The following HAPLN1 variants were observed in gnomAD, a reference collection of about 807,000 sequenced individuals.
HAPLN1 encodes Cartilage link protein.
Under a neutral mutation model 36.5 loss-of-function variants are expected in HAPLN1, and 13 were observed. The ratio of observed to expected loss-of-function variants is 0.36; its 90% CI spans 0.23 to 0.57. HAPLN1 has a LOEUF of 0.57. Among genes scored for constraint, HAPLN1 ranks in the 20% least tolerant of loss-of-function variants. The pLI is 0.83. For synonymous variants in HAPLN1, 202 were observed against 169.8 expected, an observed-to-expected ratio of 1.19 and a Z score of -1.48; for missense variants, 407 against 439.7, an observed-to-expected ratio of 0.93 and a Z score of 0.66.
intron 1 of HAPLN1, among the ~76,000 whole-genome samples, chr5:83,705,367 G>A (rs531909145): frequency 7.9e-5 from 11 of 139,370 alleles, no homozygotes; most frequent in Middle Eastern, 3.7e-3. Flanking sequence ...TCCAGCCTGG[G>A]TGACAAGAGT....
At position 83,651,108 on chromosome 5, in the gene HAPLN1, C is replaced by A. The variant is rs147224470; in HGVS notation, c.472+1345G>T. Among the ~76,000 whole-genome samples, 16 of 152,052 alleles carry A rather than the reference C, an allele frequency of 1.1e-4. No individual in the cohort carries two copies. The East Asian group carries it at 3.1e-3, about 29-fold the overall frequency. ...AAATAAACATAGACAGTAAATATTG[C>A]ATGTGAATTACTTAAGTTTAGGAAA... On this transcript the variant is annotated intron_variant, in intron 3 of 4. Transcript: ENST00000274341.
chr5:83,664,756 AATAATGAGTT>A (rs1185075831), intron 2 of HAPLN1, among the ~76,000 whole-genome samples: 1 of 152,222 alleles, frequency 6.6e-6, no homozygotes, highest in African/African-American at 2.4e-5. Context: ...ACATAAGCCA[AATAATGAGTT>A]ATAAGAAAAA....
At chr5:83,655,506 A>G (rs1057494316) in intron 2 of HAPLN1, among the ~76,000 whole-genome samples, 22 of 141,904 alleles carry the variant, frequency 1.6e-4, no homozygotes, top group African/African-American at 5.8e-4. Flanking sequence ...TACCATTCTC[A>G]TTCACTTTGG....
intron 1 of HAPLN1, among the ~76,000 whole-genome samples, chr5:83,699,097 G>A (rs1215292705): frequency 1.3e-5 from 2 of 151,980 alleles, no homozygotes; most frequent in African/African-American, 4.8e-5. Context: ...ATTAACCACT[G>A]GTGAAAAAAA....
At chr5:83,683,441 C>T (rs1751050558) in intron 1 of HAPLN1, among the ~76,000 whole-genome samples, 1 of 152,078 alleles carries the variant, frequency 6.6e-6, no homozygotes, top group African/African-American at 2.4e-5. Context: ...CTTCTCTCTT[C>T]CATAATTTTC....
intron 3 of HAPLN1, among the ~76,000 whole-genome samples, chr5:83,650,954 C>T (rs533002778): frequency 3.3e-5 from 5 of 152,050 alleles, no homozygotes; most frequent in African/African-American, 9.6e-5. Context: ...CCCTATAATG[C>T]GTTATACTGT....
rs1000669008 is a variant in HAPLN1 at position 83,684,127 on chromosome 5, T to C, written c.-26-10578A>G. On this transcript the variant is annotated intron_variant, in intron 1 of 4. Transcript: ENST00000274341. ...AGAATGGGAGCAATGACTTGAAGGATAAGCATTACAATAGGGAAAAACAAC... is the reference window on the plus strand; with the variant it reads ...AGAATGGGAGCAATGACTTGAAGGACAAGCATTACAATAGGGAAAAACAAC... Among the ~76,000 whole-genome samples the C allele has an allele frequency of 3.9e-5, 6 of 152,176 alleles. No individual in the cohort carries two copies. In the East Asian group the frequency reaches 1.2e-3, roughly 29 times the overall value.
chr5:83,671,506 A>G (rs967950737), intron 2 of HAPLN1, among the ~76,000 whole-genome samples: 2 of 152,212 alleles, frequency 1.3e-5, no homozygotes, highest in African/African-American at 4.8e-5. Context: ...TAAGTAACGA[A>G]GCAAGTAAGT....
intron 1 of HAPLN1, among the ~76,000 whole-genome samples, chr5:83,719,524 T>A (rs979563338): frequency 2.6e-5 from 4 of 152,188 alleles, no homozygotes; most frequent in South Asian, 4.1e-4. Context: ...AAAGCTAATA[T>A]CTGAAGAGTC....
intron 1 of HAPLN1, among the ~76,000 whole-genome samples, chr5:83,712,879 C>A (rs1261395158): frequency 3.9e-5 from 5 of 129,526 alleles, no homozygotes; most frequent in Admixed American, 8.3e-5. Context: ...GGAGGAGAAC[C>A]TGGACAAAAA....
At chr5:83,690,234 C>CA (rs1422288397) in intron 1 of HAPLN1, among the ~76,000 whole-genome samples, 1 of 151,754 alleles carries the variant, frequency 6.6e-6, no homozygotes, top group Admixed American at 6.6e-5. Flanking sequence ...ACAACCAAAG[C>CA]AAAAAATAGT....
chr5:83,678,168 T>C (rs336957), intron 1 of HAPLN1, among the ~76,000 whole-genome samples: 150,303 of 151,972 alleles, frequency 0.99, 74,346 homozygotes, highest in East Asian at 1. Flanking sequence ...ACCATGCTTA[T>C]GTTCATTTTT....
At chr5:83,704,150 C>G (rs1463953905) in intron 1 of HAPLN1, among the ~76,000 whole-genome samples, 2 of 151,718 alleles carry the variant, frequency 1.3e-5, no homozygotes, top group African/African-American at 4.8e-5. Flanking sequence ...TTATGTCCAG[C>G]TGAACTAAGC....
intron 1 of HAPLN1, among the ~76,000 whole-genome samples, chr5:83,678,253 TA>T (rs1750910596): frequency 9.2e-6 from 1 of 108,488 alleles, no homozygotes; most frequent in Non-Finnish European, 2.0e-5. Flanking sequence ...GTGTGTGTTT[TA>T]ATTAAAAATG....
chr5:83,705,344 C>T (rs527369546), intron 1 of HAPLN1, among the ~76,000 whole-genome samples: 4 of 134,250 alleles, frequency 3.0e-5, no homozygotes, highest in East Asian at 2.3e-4. Flanking sequence ...GAGCCGAGAT[C>T]GCACCATTAC....
chr5:83,647,646 C>A (rs2112559097), intron 3 of HAPLN1, among the ~76,000 whole-genome samples: 1 of 151,958 alleles, frequency 6.6e-6, no homozygotes, highest in South Asian at 2.1e-4. Flanking sequence ...TGCTTTTATC[C>A]AATGTTGCAA....
rs578093813 is a variant in HAPLN1, at chr5:83,696,195, T to C, written c.-26-22646A>G. Among the ~76,000 whole-genome samples, 6 of 152,082 alleles carry C rather than the reference T, an allele frequency of 3.9e-5. No individual in the cohort carries two copies. In the East Asian group the frequency reaches 1.2e-3, roughly 29 times the overall value. On this transcript the variant is annotated intron_variant, in intron 1 of 4. Coordinates refer to ENST00000274341, the MANE Select transcript of HAPLN1 (RefSeq NM_001884.4). ...AAGCATAAAAATATTTAGGGAAAAATAGCCAACAAATATGCAAATTGTACT... is the reference window on the plus strand; with the variant it reads ...AAGCATAAAAATATTTAGGGAAAAACAGCCAACAAATATGCAAATTGTACT...
chr5:83,688,786 C>T (rs1471625930), intron 1 of HAPLN1, among the ~76,000 whole-genome samples: 1 of 149,940 alleles, frequency 6.7e-6, no homozygotes, highest in Non-Finnish European at 1.5e-5. Context: ...AAACGGTGGA[C>T]AGAAAACGAA....
At chr5:83,675,333 G>A (rs1020883532) in intron 1 of HAPLN1, 14 of 152,156 alleles carry the variant, frequency 9.2e-5, no homozygotes, top group Middle Eastern at 3.4e-3. Flanking sequence ...ATCAGAGAAG[G>A]GGCGCTGTGG....
Sources: gnomAD v4.1 joint callset for allele counts (sites outside exome capture counted in the v4.1 genomes callset) on GRCh38, gnomAD v4.1.1 for gene constraint, MANE v1.5 for transcripts, NCBI Gene and HGNC (gene_info 2026-07-23, HGNC 2026-07-21) for gene names.